Variants in MYO16 observed in about 807,000 individuals in gnomAD.
MYO16 encodes unconventional myosin-XVI.
A neutral mutation model predicts 205.3 loss-of-function variants in MYO16; 94 were observed. The observed-to-expected ratio is 0.46, with a 90% CI of 0.39 to 0.54. The LOEUF (loss-of-function observed/expected upper bound fraction) is 0.54. Among genes scored for constraint, MYO16 ranks in the 20% least tolerant of loss-of-function variants. MYO16 has a pLI of 0.00. For missense variants in MYO16, 2,315 were observed against 2,387.5 expected, an observed-to-expected ratio of 0.97 and a Z score of 0.63; for synonymous variants, 988 against 954.0, an observed-to-expected ratio of 1.04 and a Z score of -0.66.
intron 11 of MYO16, among the ~76,000 whole-genome samples, chr13:108,857,915 CAT>C (rs1419638139): frequency 7.9e-5 from 12 of 152,180 alleles, no homozygotes; most frequent in Non-Finnish European, 1.5e-4. Context: ...GTTCATATAA[CAT>C]AAATTTGCCA....
At position 108,693,070 on chromosome 13, in the gene MYO16, A is replaced by C. The variant is rs148934457; in HGVS notation, c.293-19591A>C. On this transcript the variant is annotated intron_variant, in intron 2 of 34. Coordinates refer to ENST00000457511, the MANE Select transcript of MYO16 (RefSeq NM_001198950.3). The stretch of plus-strand genomic sequence containing the variant: ...TCTTTATACCTCAGAATTACTGAAA[A>C]ACCTGAACAGGATTTATGCAAATAA... 9.8e-4 allele frequency among the ~76,000 whole-genome samples: 149 copies of C among 152,318 alleles called. 1 individual carries two copies. In the East Asian group the frequency reaches 0.026, roughly 27 times the overall value.
chr13:108,975,909 T>G (rs1884240742), intron 20 of MYO16, among the ~76,000 whole-genome samples: 1 of 152,132 alleles, frequency 6.6e-6, no homozygotes, highest in Non-Finnish European at 1.5e-5. Context: ...TTGTTAGTAG[T>G]ATGGAGTGAG....
At chr13:108,883,568 G>A (rs1879719609) in intron 13 of MYO16, among the ~76,000 whole-genome samples, 1 of 151,982 alleles carries the variant, frequency 6.6e-6, no homozygotes, top group African/African-American at 2.4e-5. Flanking sequence ...TCTTTCCAAA[G>A]GTATGTTTTC....
At chr13:108,794,142 C>T (rs1886708567) in intron 6 of MYO16, among the ~76,000 whole-genome samples, 1 of 152,040 alleles carries the variant, frequency 6.6e-6, no homozygotes, top group Non-Finnish European at 1.5e-5. Flanking sequence ...CACATGGACA[C>T]AAAGAAGGAG....
chr13:108,992,356 G>A lies in MYO16; in HGVS notation c.2370-20G>A, dbSNP rs1476674701. ...AGTTTTAAGGATGCCCATTTATCCTGGTGTATTGTTTTGTTTCAGCATGCA... is the reference window on the plus strand; with the variant it reads ...AGTTTTAAGGATGCCCATTTATCCTAGTGTATTGTTTTGTTTCAGCATGCA... On this transcript the variant is annotated intron_variant, in intron 20 of 34. Coordinates refer to ENST00000457511, the MANE Select transcript of MYO16 (RefSeq NM_001198950.3). The A allele has an allele frequency of 1.3e-6, 2 of 1,586,220 alleles. No individual in the cohort carries two copies. The highest frequency in any genetic ancestry group is 3.4e-5 in the Admixed American group (2 of 58,808).
intron 29 of MYO16, among the ~76,000 whole-genome samples, chr13:109,123,537 T>TA (rs1443167042): frequency 6.6e-6 from 1 of 152,220 alleles, no homozygotes; most frequent in Admixed American, 6.5e-5. Flanking sequence ...ACATGGTTCA[T>TA]ACGTCTCCAC....
In MYO16 at chr13:109,058,860, T is replaced by C. The variant is rs1377395985; in HGVS notation, c.3335+3265T>C. ...AATTCGAGTCAATCTTCTGAACTCT[T>C]ACCACTGCTTTATCAACTGAGTTTA... On this transcript the variant is annotated intron_variant, in intron 27 of 34. Coordinates refer to ENST00000457511, the MANE Select transcript of MYO16 (RefSeq NM_001198950.3). 3.3e-5 allele frequency among the ~76,000 whole-genome samples: 5 copies of C among 152,318 alleles called. No homozygotes were observed. The East Asian group carries it at 7.7e-4, about 24-fold the overall frequency.
At chr13:108,775,721 G>T (rs575871076) in intron 4 of MYO16, among the ~76,000 whole-genome samples, 6 of 152,260 alleles carry the variant, frequency 3.9e-5, no homozygotes, top group African/African-American at 1.4e-4. Context: ...TTCTAAGTTA[G>T]CTAGAGTGAT....
Position 108,806,661 on chromosome 13 carries a change from G to C in MYO16, c.742-18G>C. On this transcript the variant is annotated intron_variant, in intron 6 of 34. Coordinates refer to ENST00000457511, the MANE Select transcript of MYO16 (RefSeq NM_001198950.3). ...ACTACTTTAAAAAAATGAATAATAA[G>C]ATGTCTCTTCGCTGCAGTTACACAT... 1.2e-6 allele frequency: 2 copies of C among 1,609,440 alleles called. No individual in the cohort carries two copies. The highest frequency in any genetic ancestry group is 2.2e-5 in the South Asian group (2 of 90,734).
intron 5 of MYO16, among the ~76,000 whole-genome samples, chr13:108,786,859 G>T (rs574350147): frequency 6.6e-6 from 1 of 152,300 alleles, no homozygotes; most frequent in East Asian, 1.9e-4. Context: ...GCTCAGTCGT[G>T]CCTGGGCACT....
chr13:108,836,230 C>T (rs541895346), intron 9 of MYO16, among the ~76,000 whole-genome samples: 6 of 152,316 alleles, frequency 3.9e-5, no homozygotes, highest in South Asian at 2.1e-4. Flanking sequence ...GGCCTTGCTT[C>T]GGAGGGTGCA....
At chr13:108,747,200 T>G (rs921245028) in intron 4 of MYO16, among the ~76,000 whole-genome samples, 12 of 152,120 alleles carry the variant, frequency 7.9e-5, no homozygotes, top group African/African-American at 2.9e-4. Context: ...ATTGTATAGG[T>G]CAGAATCTTT....
At chr13:109,006,071 C>T (rs2139472858) in intron 21 of MYO16, among the ~76,000 whole-genome samples, 1 of 152,210 alleles carries the variant, frequency 6.6e-6, no homozygotes, top group Non-Finnish European at 1.5e-5. Context: ...CTTATATGGG[C>T]TAGAAGGAGG....
upstream of MYO16, among the ~76,000 whole-genome samples, chr13:108,593,077 T>C (rs76974659): frequency 0.011 from 1,729 of 152,216 alleles, 26 homozygotes; most frequent in African/African-American, 0.037. Context: ...AAATGAACGC[T>C]TGCACTGTCA....
rs1876990418 is a variant in MYO16, at chr13:109,140,403, G to T, written c.4191G>T (p.Arg1397Ser). ...CGGGGTCCCGGCCCGGGGACGCGAG[G>T]CCCGCGGGCGCCCCGGGGGCAGCAG... Reference protein sequence around the residue: ...EISGSRPGDARPAGAPGAAAR... With the variant: ...EISGSRPGDASPAGAPGAAAR... Residue 1397 changes from arginine (R) to serine (S), a missense_variant, in exon 32 of 35, where the codon AGG (arginine) becomes AGT (serine). Arg to Ser is a moderately radical substitution (Grantham distance 110). Transcript: ENST00000457511. The surrounding 1 kb of genome is among the most constrained non-coding windows in gnomAD (Gnocchi z 8.0). The T allele has an allele frequency of 4.4e-6, 7 of 1,586,060 alleles. No individual in the cohort carries two copies. The Admixed American group carries it at 6.9e-5, about 16-fold the overall frequency.
chr13:108,705,515 ATTG>A (rs1460471502), intron 2 of MYO16, among the ~76,000 whole-genome samples: 1 of 152,206 alleles, frequency 6.6e-6, no homozygotes. Flanking sequence ...ATTACAGTAT[ATTG>A]TTATAATTGT....
chr13:108,588,693 T>A, the MYO16 span, among the ~76,000 whole-genome samples: 1 of 152,114 alleles, frequency 6.6e-6, no homozygotes, highest in Non-Finnish European at 1.5e-5. Flanking sequence ...TATGGTGAAT[T>A]GGATATGAAA....
At chr13:108,665,843 T>G in intron 1 of MYO16, 43 bp from the exon 2 acceptor site, 1 of 1,584,518 alleles carries the variant, frequency 6.3e-7, no homozygotes, top group South Asian at 1.1e-5. Context: ...TTATAGTGGT[T>G]ATAATAATAG....
At chr13:108,878,648 TC>T (rs1300745412) in intron 12 of MYO16, among the ~76,000 whole-genome samples, 2 of 152,238 alleles carry the variant, frequency 1.3e-5, no homozygotes, top group African/African-American at 4.8e-5. Context: ...ACTTAAGCTG[TC>T]CATGGACAGC....
Sources: gnomAD v4.1 joint callset for allele counts (sites outside exome capture counted in the v4.1 genomes callset) on GRCh38, gnomAD v4.1.1 for gene constraint, Gnocchi (gnomAD v3.1) non-coding constraint, MANE v1.5 for transcripts, NCBI Gene and HGNC (gene_info 2026-07-23, HGNC 2026-07-21) for gene names.